GLB1L3: variants seen among roughly 807,000 people sequenced by gnomAD.
The protein encoded by GLB1L3 is galactosidase beta 1 like 3, also known as beta-galactosidase-1-like protein 3.
Under a neutral mutation model 89.5 loss-of-function variants are expected in GLB1L3, and 89 were observed. That is an observed-to-expected ratio of 0.99 (90% CI 0.84 to 1.19). The LOEUF (loss-of-function observed/expected upper bound fraction) is 1.19, where lower values mean the gene tolerates loss of function less well. Ranked by LOEUF, GLB1L3 falls within the 50% of genes most tolerant of loss-of-function variation. GLB1L3 has a pLI of 0.00. For synonymous variants in GLB1L3, 314 were observed against 312.3 expected, an observed-to-expected ratio of 1.01 and a Z score of -0.06; for missense variants, 812 against 813.3, an observed-to-expected ratio of 1.00 and a Z score of 0.02.
chr11:134,313,012 C>T (rs932144342), intron 15 of GLB1L3, 125 bp downstream of exon 15: 91 of 757,096 alleles, frequency 1.2e-4, no homozygotes, highest in Admixed American at 2.4e-4. Context: ...CCTGGGGCGG[C>T]GGCAGGAAGT....
At chr11:134,305,241 T>C in intron 9 of GLB1L3, 1 of 757,986 alleles carries the variant, frequency 1.3e-6, no homozygotes, top group Non-Finnish European at 2.4e-6. Context: ...CTGAATTATG[T>C]AAAGTGCATT....
intron 18 of GLB1L3, 115 bp downstream of exon 18, chr11:134,314,556 T>C: frequency 2.8e-6 from 2 of 717,024 alleles, no homozygotes; most frequent in Non-Finnish European, 4.9e-6. Context: ...TTTCCTCTTC[T>C]TCCTCATCTC....
chr11:134,277,772 T>A lies in GLB1L3; in HGVS notation c.222T>A (p.Gly74=). ...RSVGLGTEST[G]RGKPHFTLEG... ...TGGGACTTGGAACTGAAAGCACAGGTCGGGGTAAGCCCCACTTCACACTGG... is the reference window on the plus strand; with the variant it reads ...TGGGACTTGGAACTGAAAGCACAGGACGGGGTAAGCCCCACTTCACACTGG... Residue 74 remains glycine, a synonymous_variant, in exon 3 of 20, where the codon GGT becomes GGA. Coordinates refer to ENST00000431683, the MANE Select transcript of GLB1L3 (RefSeq NM_001080407.3). 1 of 1,613,844 alleles carries A rather than the reference T, an allele frequency of 6.2e-7. No homozygotes were observed. The highest frequency in any genetic ancestry group is 2.2e-5 in the East Asian group (1 of 44,848).
chr11:134,308,455 CCACCACCACCACCACCAAA>C (rs1942465353), intron 10 of GLB1L3, among the ~76,000 whole-genome samples: 3 of 33,298 alleles, frequency 9.0e-5, no homozygotes, highest in Non-Finnish European at 1.7e-4. Context: ...ATCACCACCA[CCACCACCACCACCACCAAA>C]TACCACCACC....
chr11:134,288,185 G>A (rs907026587), intron 6 of GLB1L3, among the ~76,000 whole-genome samples: 2 of 152,214 alleles, frequency 1.3e-5, no homozygotes, highest in Admixed American at 6.5e-5. Flanking sequence ...GGAGTTTGAG[G>A]AGTGAGTTAA....
intron 5 of GLB1L3, among the ~76,000 whole-genome samples, chr11:134,283,015 C>T (rs972478607): frequency 6.6e-6 from 1 of 152,136 alleles, no homozygotes; most frequent in Non-Finnish European, 1.5e-5. Flanking sequence ...AAGCCTTAGC[C>T]CTTAGTGGAA....
At position 134,319,238 on chromosome 11, in the gene GLB1L3, G is replaced by A; in HGVS notation, c.*296G>A. ...CAAAGTACTGGGATTACAGGCGTGAGCCACCACTCCCGGCCGTGAACATAT... is the reference window on the plus strand; with the variant it reads ...CAAAGTACTGGGATTACAGGCGTGAACCACCACTCCCGGCCGTGAACATAT... On this transcript the variant is annotated 3_prime_UTR_variant, in exon 20 of 20. Coordinates refer to ENST00000431683, the MANE Select transcript of GLB1L3 (RefSeq NM_001080407.3). 1 of 280,262 alleles carries A rather than the reference G, an allele frequency of 3.6e-6. No homozygotes were observed. The highest frequency in any genetic ancestry group is 6.7e-6 in the Non-Finnish European group (1 of 149,512). 17.4% of individuals were successfully genotyped at this position (280,262 alleles called of 1,614,324 possible).
At chr11:134,278,498 C>T (rs1940505749) in intron 3 of GLB1L3, among the ~76,000 whole-genome samples, 1 of 152,154 alleles carries the variant, frequency 6.6e-6, no homozygotes, top group Non-Finnish European at 1.5e-5. Flanking sequence ...GTTGCCTGGG[C>T]TGGTCTCAAA....
intron 8 of GLB1L3, chr11:134,292,746 C>T (rs1367265792): frequency 6.1e-6 from 2 of 329,840 alleles, no homozygotes; most frequent in Non-Finnish European, 1.1e-5. Flanking sequence ...CGGGAGTGAG[C>T]AGGGGAGCGG....
At chr11:134,314,966 G>A (rs1942917691) in intron 18 of GLB1L3, among the ~76,000 whole-genome samples, 1 of 152,062 alleles carries the variant, frequency 6.6e-6, no homozygotes, top group Non-Finnish European at 1.5e-5. Flanking sequence ...TGATCACAAA[G>A]TGAACACCAT....
intron 3 of GLB1L3, among the ~76,000 whole-genome samples, chr11:134,278,221 T>A (rs952205731): frequency 6.6e-6 from 1 of 152,128 alleles, no homozygotes; most frequent in Non-Finnish European, 1.5e-5. Flanking sequence ...TGACATAAGC[T>A]TAAGGCACAC....
intron 6 of GLB1L3, chr11:134,287,454 T>G (rs1025805): frequency 6.6e-6 from 1 of 152,224 alleles, no homozygotes; most frequent in Admixed American, 6.5e-5. Flanking sequence ...TATGTAAAAA[T>G]AATTTTTAGA....
chr11:134,319,233 C>T lies in GLB1L3; in HGVS notation c.*291C>T, dbSNP rs376014598. On this transcript the variant is annotated 3_prime_UTR_variant, in exon 20 of 20. Transcript: ENST00000431683. ...CCTCCCAAAGTACTGGGATTACAGG[C>T]GTGAGCCACCACTCCCGGCCGTGAA... is the stretch of plus-strand genomic sequence containing the variant. The T allele has an allele frequency of 3.3e-3, 925 of 284,320 alleles. 5 individuals carry two copies. The highest frequency in any genetic ancestry group is 4.8e-3 in the Non-Finnish European group (726 of 151,588). The allele number at this position is 284,320 out of a possible 1,614,324, so 17.6% of individuals were successfully genotyped here.
At chr11:134,299,184 A>G (rs1234087783) in intron 9 of GLB1L3, among the ~76,000 whole-genome samples, 1 of 150,336 alleles carries the variant, frequency 6.7e-6, no homozygotes, top group African/African-American at 2.5e-5. Flanking sequence ...TTCATCTTTC[A>G]GCCAAAATTA....
At chr11:134,320,888 G>T (rs1943158029), downstream of GLB1L3, among the ~76,000 whole-genome samples, 1 of 152,140 alleles carries the variant, frequency 6.6e-6, no homozygotes, top group Admixed American at 6.5e-5. Context: ...TCAGTGACTA[G>T]TTTCTCATTA....
downstream of GLB1L3, among the ~76,000 whole-genome samples, chr11:134,323,247 G>C (rs114926641): frequency 6.6e-6 from 1 of 152,134 alleles, no homozygotes; most frequent in Non-Finnish European, 1.5e-5. Context: ...TTGGCTGGGC[G>C]CGGTGGCTTA....
At position 134,307,162 on chromosome 11, in the gene GLB1L3, C is replaced by G. The variant is rs1565411151; in HGVS notation, c.915C>G (p.Gly305=). 2 of 1,613,668 alleles carry G rather than the reference C, an allele frequency of 1.2e-6. No homozygotes were observed. Among genetic ancestry groups the G allele is most frequent in the South Asian group, 1.1e-5 (1 of 91,018 alleles). Residue 305 remains glycine (G), a synonymous_variant, in exon 10 of 20, where the codon GGC becomes GGG. Coordinates refer to ENST00000431683, the MANE Select transcript of GLB1L3 (RefSeq NM_001080407.3). ...TTCTGATTATGGAATACTGGGTCGGCTGGTTCGACAGATGGGGAGATAAGC... is the reference window on the plus strand; with the variant it reads ...TTCTGATTATGGAATACTGGGTCGGGTGGTTCGACAGATGGGGAGATAAGC... ...KPLLIMEYWV[G]WFDRWGDKHH...
In GLB1L3 at chr11:134,286,924, G is replaced by A. The variant is rs185555581; in HGVS notation, c.637-1874G>A. Among the ~76,000 whole-genome samples, 610 of 151,502 alleles carry A rather than the reference G, an allele frequency of 4.0e-3. 6 individuals are homozygous for A. Among genetic ancestry groups the A allele is most frequent in the African/African-American group, 0.014 (593 of 41,314 alleles). ...ACCTGTAATTCCAGCACTTTGGGAG[G>A]CCGAGGTGGGTGGATCACGAGGTCA... On this transcript the variant is annotated intron_variant, in intron 6 of 19. Transcript: ENST00000431683.
intron 9 of GLB1L3, among the ~76,000 whole-genome samples, chr11:134,299,514 T>G (rs1039051839): frequency 6.6e-6 from 1 of 152,180 alleles, no homozygotes; most frequent in Non-Finnish European, 1.5e-5. Flanking sequence ...TGCTGTGTTA[T>G]CCTTTGTGCA....
Sources: allele counts gnomAD v4.1 joint callset (sites outside exome capture counted in the v4.1 genomes callset), GRCh38; gene constraint gnomAD v4.1.1; transcripts MANE v1.5; gene names NCBI Gene and HGNC (gene_info 2026-07-23, HGNC 2026-07-21).